CNTNAP5: variants seen among roughly 807,000 people sequenced by gnomAD.
The protein encoded by CNTNAP5 is contactin-associated protein-like 5.
In CNTNAP5, 72 loss-of-function variants were observed where a neutral mutation model predicts 150.2. That is an observed-to-expected ratio of 0.48 (90% CI 0.40 to 0.58). The LOEUF is 0.58. CNTNAP5 is among the 20% of genes least tolerant of loss of function. The pLI is 0.00. For missense variants in CNTNAP5, 1,636 were observed against 1,626.2 expected (o/e 1.01, Z -0.10); for synonymous variants, 672 against 619.8 (o/e 1.08, Z -1.25).
At chr2:124,171,511 G>A (rs1216281569) in intron 1 of CNTNAP5, among the ~76,000 whole-genome samples, 4 of 152,162 alleles carry the variant, frequency 2.6e-5, no homozygotes, top group African/African-American at 7.2e-5. Context: ...TATGTGAGCA[G>A]CCATCACCAG....
chr2:124,813,598 A>G (rs1262214329), intron 19 of CNTNAP5, among the ~76,000 whole-genome samples: 3 of 151,078 alleles, frequency 2.0e-5, no homozygotes, highest in Non-Finnish European at 4.4e-5. Flanking sequence ...AAAACTCAAC[A>G]CTTCACAAAA....
intron 3 of CNTNAP5, among the ~76,000 whole-genome samples, chr2:124,415,961 T>C (rs1463367454): frequency 6.6e-5 from 10 of 152,182 alleles, no homozygotes; most frequent in Non-Finnish European, 1.3e-4. Flanking sequence ...ATGCTCAGAG[T>C]ATTTTTAATA....
intron 22 of CNTNAP5, among the ~76,000 whole-genome samples, chr2:124,907,799 G>A (rs905541351): frequency 1.3e-5 from 2 of 150,586 alleles, no homozygotes; most frequent in African/African-American, 4.9e-5. Context: ...CATTAAGCAT[G>A]GATATAGGCA....
intron 3 of CNTNAP5, among the ~76,000 whole-genome samples, chr2:124,243,390 C>T (rs1437497328): frequency 2.0e-5 from 3 of 152,128 alleles, no homozygotes; most frequent in Non-Finnish European, 4.4e-5. Context: ...AATGAAATAA[C>T]TTCTGTTTTA....
rs764279107 is a variant in CNTNAP5 at position 124,903,112 on chromosome 2, A to G, written c.3655+12A>G. The G allele has an allele frequency of 2.7e-6, 4 of 1,493,548 alleles. No homozygotes were observed. Among genetic ancestry groups the G allele is most frequent in the Non-Finnish European group, 2.7e-6 (3 of 1,103,678 alleles). The allele number at this position is 1,493,548 out of a possible 1,614,324, so 92.5% of individuals were successfully genotyped here. On this transcript the variant is annotated intron_variant, in intron 22 of 23. Transcript: ENST00000682447. The stretch of plus-strand genomic sequence containing the variant: ...GCATTCTTCATCAGGTACACTCAAG[A>G]GCATGCACAAGGGAGCTTCTGTCAC...
rs570531907 is a variant in CNTNAP5 at position 124,164,010 on chromosome 2, T to A, written c.83-57695T>A. Among the ~76,000 whole-genome samples the A allele has an allele frequency of 4.6e-5, 7 of 152,328 alleles. No homozygotes were observed. The East Asian group carries it at 1.2e-3, about 25-fold the overall frequency. On this transcript the variant is annotated intron_variant, in intron 1 of 23. Transcript: ENST00000682447. ...ATTCATTTTCTTACATCTGTGTTTA[T>A]CCCTAGTATTTGTTCTTAGTGGATT... is the stretch of plus-strand genomic sequence containing the variant.
intron 17 of CNTNAP5, among the ~76,000 whole-genome samples, chr2:124,776,007 T>C (rs1443469779): frequency 1.3e-5 from 2 of 152,276 alleles, no homozygotes; most frequent in East Asian, 3.9e-4. Context: ...GAGTGTACTA[T>C]TGTCTTTATC....
intron 3 of CNTNAP5, among the ~76,000 whole-genome samples, chr2:124,346,470 A>T (rs1040054843): frequency 9.9e-5 from 15 of 152,206 alleles, no homozygotes; most frequent in African/African-American, 1.4e-4. Context: ...AGCACTTAGA[A>T]CTTCTAAATG....
At chr2:124,604,168 T>A (rs1433883447) in intron 11 of CNTNAP5, among the ~76,000 whole-genome samples, 1 of 152,138 alleles carries the variant, frequency 6.6e-6, no homozygotes, top group Non-Finnish European at 1.5e-5. Context: ...CATTAAATTA[T>A]AAGCTTAAGC....
chr2:124,459,759 A>AT (rs1491192267), intron 6 of CNTNAP5, among the ~76,000 whole-genome samples: 1 of 10,090 alleles, frequency 9.9e-5, no homozygotes, highest in South Asian at 6.8e-3. Context: ...ATTCCTCTGT[A>AT]AAAAAAAAAA....
intron 21 of CNTNAP5, among the ~76,000 whole-genome samples, chr2:124,893,862 C>T (rs1558816467): frequency 6.6e-6 from 1 of 152,006 alleles, no homozygotes; most frequent in Admixed American, 6.6e-5. Context: ...CAGTATACGA[C>T]TCATCAGAAA....
intron 10 of CNTNAP5, among the ~76,000 whole-genome samples, chr2:124,547,605 G>T (rs1695543186): frequency 1.3e-5 from 2 of 152,168 alleles, no homozygotes; most frequent in Non-Finnish European, 2.9e-5. Flanking sequence ...ATCTCCCATG[G>T]TGTGGTCCTC....
chr2:124,446,777 G>A lies in CNTNAP5; in HGVS notation c.758G>A (p.Ser253Asn). The change falls in exon 6 of 24, where the codon AGC (serine) becomes AAC (asparagine). Residue 253 changes from serine (S) to asparagine (N), a missense_variant. Coordinates refer to ENST00000682447, the MANE Select transcript of CNTNAP5 (RefSeq NM_001367498.1). Reference sequence around the variant, plus strand: ...GGTGACAGCAAAGCGCGGCTCAGCAGCAGCTTGCCCTCTGCCACCCTGGGC... The same window carrying A: ...GGTGACAGCAAAGCGCGGCTCAGCAACAGCTTGCCCTCTGCCACCCTGGGC... ...NLGDSKARLS[S>N]SLPSATLGSL... 4 of 1,613,746 alleles carry A rather than the reference G, an allele frequency of 2.5e-6. No homozygotes were observed. Among genetic ancestry groups the A allele is most frequent in the Non-Finnish European group, 3.4e-6 (4 of 1,179,780 alleles).
intron 17 of CNTNAP5, 60 bp downstream of exon 17, chr2:124,773,077 G>T: frequency 7.4e-7 from 1 of 1,355,908 alleles, no homozygotes; most frequent in East Asian, 2.3e-5. Context: ...GTGTGACCAT[G>T]CCCAAGAAAA....
intron 8 of CNTNAP5, among the ~76,000 whole-genome samples, chr2:124,519,840 C>T (rs748595783): frequency 1.3e-5 from 2 of 152,008 alleles, no homozygotes; most frequent in Non-Finnish European, 2.9e-5. Flanking sequence ...CCTAGGAAAG[C>T]GCAGGGCAGC....
rs118159633 is a variant in CNTNAP5, at chr2:124,044,037, C to T, written c.82+18305C>T. 1.1e-3 allele frequency among the ~76,000 whole-genome samples: 164 copies of T among 152,306 alleles called. 2 individuals are homozygous for T. The East Asian group carries it at 0.018, about 16-fold the overall frequency. ...AAATCCTTAATGCTTGTACAGTATACATTACATCTTTAAGCCCTGTATTAT... is the reference window on the plus strand; with the variant it reads ...AAATCCTTAATGCTTGTACAGTATATATTACATCTTTAAGCCCTGTATTAT... On this transcript the variant is annotated intron_variant, in intron 1 of 23. Transcript: ENST00000682447.
intron 19 of CNTNAP5, among the ~76,000 whole-genome samples, chr2:124,826,100 A>T (rs575780842): frequency 2.7e-4 from 40 of 149,186 alleles, no homozygotes; most frequent in East Asian, 5.9e-4. Context: ...AGTAGTTTTT[A>T]AAAAAAAAAC....
chr2:124,438,162 A>G (rs1692582506), intron 5 of CNTNAP5, among the ~76,000 whole-genome samples: 1 of 152,132 alleles, frequency 6.6e-6, no homozygotes, highest in South Asian at 2.1e-4. Flanking sequence ...AAATTGAACT[A>G]TGTGGTTCCT....
intron 3 of CNTNAP5, among the ~76,000 whole-genome samples, chr2:124,412,534 A>C (rs911291415): frequency 1.3e-5 from 2 of 151,896 alleles, no homozygotes; most frequent in Admixed American, 6.6e-5. Flanking sequence ...AAACAGAGAT[A>C]TAGATCAATG....
Sources: allele counts gnomAD v4.1 joint callset (sites outside exome capture counted in the v4.1 genomes callset), GRCh38; gene constraint gnomAD v4.1.1; transcripts MANE v1.5; gene names NCBI Gene and HGNC (gene_info 2026-07-23, HGNC 2026-07-21).